FMO3: variants seen among roughly 807,000 people sequenced by gnomAD.
FMO3 encodes the protein flavin-containing monooxygenase 3.
Under a neutral mutation model 39.4 loss-of-function variants are expected in FMO3, and 40 were observed. That is an observed-to-expected ratio of 1.02 (90% CI 0.79 to 1.32). The LOEUF is 1.32. Ranked by LOEUF, FMO3 falls within the 40% of genes most tolerant of loss-of-function variation. The probability of loss-of-function intolerance (pLI) is 0.00; values close to 1 mark genes in which losing one functional copy is unlikely to be tolerated. For missense variants in FMO3, 680 were observed against 651.8 expected, an observed-to-expected ratio of 1.04 and a Z score of -0.47; for synonymous variants, 219 against 228.8, an observed-to-expected ratio of 0.96 and a Z score of 0.39.
At chr1:171,093,710 G>A (rs1267744531) in intron 2 of FMO3, among the ~76,000 whole-genome samples, 1 of 151,766 alleles carries the variant, frequency 6.6e-6, no homozygotes. Flanking sequence ...TCTACTAGGG[G>A]CATTGTTGGG....
intron 7 of FMO3, 150 bp downstream of exon 7, chr1:171,114,512 C>T (rs897428950): frequency 2.2e-5 from 15 of 680,218 alleles, no homozygotes; most frequent in Non-Finnish European, 3.9e-5. Flanking sequence ...ATTTTGTTAG[C>T]AATTTAAAGT....
At chr1:171,098,319 A>C (rs977942312) in intron 2 of FMO3, among the ~76,000 whole-genome samples, 4 of 152,056 alleles carry the variant, frequency 2.6e-5, no homozygotes, top group Non-Finnish European at 4.4e-5. Flanking sequence ...TTTTTCAATT[A>C]TGTGAAGAAA....
In FMO3 at chr1:171,117,494, G is replaced by A. The variant is rs777464034; in HGVS notation, c.*52G>A. The A allele has an allele frequency of 6.7e-5, 98 of 1,471,180 alleles. No individual in the cohort carries two copies. Among genetic ancestry groups the A allele is most frequent in the Non-Finnish European group, 8.1e-5 (86 of 1,066,294 alleles). 91.1% of individuals were successfully genotyped at this position (1,471,180 alleles called of 1,614,324 possible). ...AGTTACTGACAATACCCAGACAGGG[G>A]CTTTGCTATTTAAAAATTAAAATTT... On this transcript the variant is annotated 3_prime_UTR_variant, in exon 9 of 9. Transcript: ENST00000367755.
At position 171,111,051 on chromosome 1, in the gene FMO3, AC is replaced by A. The variant is rs1394357013; in HGVS notation, c.827+57del. 1.9e-5 allele frequency: 27 copies of A among 1,403,918 alleles called. No individual in the cohort carries two copies. The African/African-American group carries it at 3.0e-4, about 15-fold the overall frequency. The allele number at this position is 1,403,918 out of a possible 1,614,324, so 87.0% of individuals were successfully genotyped here. On this transcript the variant is annotated intron_variant, in intron 6 of 8. Coordinates refer to ENST00000367755, the MANE Select transcript of FMO3 (RefSeq NM_001002294.3). The stretch of plus-strand genomic sequence containing the variant: ...GCTGGCTTTTAGTTCAGTGTCAACA[AC>A]CCTTAATGTCCTGTAAGCCCAAAAC...
At chr1:171,095,612 CA>C (rs1334281439) in intron 2 of FMO3, among the ~76,000 whole-genome samples, 2 of 150,468 alleles carry the variant, frequency 1.3e-5, no homozygotes, top group Non-Finnish European at 1.5e-5. Flanking sequence ...GTGTCTGTAA[CA>C]GCTGTTTAAA....
At chr1:171,111,108 T>C in intron 6 of FMO3, 111 bp downstream of exon 6, 1 of 841,688 alleles carries the variant, frequency 1.2e-6, no homozygotes, top group Admixed American at 1.9e-5. Context: ...ACAACTCATA[T>C]ATCAGAAGAT....
Position 171,114,341 on chromosome 1 carries a change from TG to T in FMO3, c.1165del (p.Ala389GlnfsTer4). On this transcript the variant is annotated frameshift_variant, in exon 7 of 9. Coordinates refer to ENST00000367755, the MANE Select transcript of FMO3 (RefSeq NM_001002294.3). LOFTEE classifies it high-confidence loss of function. ...TCCCACAGTTGACCTCCAGTCCCGCTGGGCAGCACAAGTAATAAAGGGTAAG... is the reference window on the plus strand; with the variant it reads ...TCCCACAGTTGACCTCCAGTCCCGCTGGCAGCACAAGTAATAAAGGGTAAG... ...AIPTVDLQSR[W>X]AAQVIKGTCT... 6.2e-7 allele frequency: 1 copy of T among 1,613,444 alleles called. No homozygotes were observed. The highest frequency in any genetic ancestry group is 8.5e-7 in the Non-Finnish European group (1 of 1,179,614).
At chr1:171,098,459 A>G (rs1655207118) in intron 2 of FMO3, among the ~76,000 whole-genome samples, 1 of 151,970 alleles carries the variant, frequency 6.6e-6, no homozygotes, top group Non-Finnish European at 1.5e-5. Context: ...GTCCTCTTTC[A>G]TTTTGTTGAG....
intron 2 of FMO3, among the ~76,000 whole-genome samples, chr1:171,096,025 A>ATATATAAATATATAATATATATTT (rs1491256935): frequency 1.5e-3 from 70 of 45,964 alleles, no homozygotes; most frequent in African/African-American, 6.6e-3. Context: ...ATTATATATT[A>ATATATAAATATATAATATATATTT]ATATATAATA....
At chr1:171,098,885 G>A (rs1471158573) in intron 2 of FMO3, among the ~76,000 whole-genome samples, 1 of 152,162 alleles carries the variant, frequency 6.6e-6, no homozygotes, top group South Asian at 2.1e-4. Flanking sequence ...CAGAGGGAAT[G>A]CCTCCAGTTT....
chr1:171,105,984 T>C (rs1655617775), intron 3 of FMO3, among the ~76,000 whole-genome samples: 1 of 150,580 alleles, frequency 6.6e-6, no homozygotes, highest in Non-Finnish European at 1.5e-5. Context: ...AGATGTGCTA[T>C]AAGTATAAAA....
chr1:171,096,063 A>AT (rs373228386), intron 2 of FMO3, among the ~76,000 whole-genome samples: 7,180 of 55,044 alleles, frequency 0.13, 585 homozygotes, highest in African/African-American at 0.27. Flanking sequence ...TATAATATAT[A>AT]TTATATATTA....
intron 6 of FMO3, among the ~76,000 whole-genome samples, chr1:171,112,767 C>T (rs1348455249): frequency 6.6e-6 from 1 of 151,972 alleles, no homozygotes; most frequent in East Asian, 1.9e-4. Context: ...GAAAATTTTT[C>T]CTGAAGAAAT....
chr1:171,092,245 G>A (rs1255875465), intron 1 of FMO3, among the ~76,000 whole-genome samples: 4 of 152,052 alleles, frequency 2.6e-5, no homozygotes, highest in African/African-American at 9.7e-5. Context: ...CTAGAGACAA[G>A]GTCTTACTCT....
chr1:171,091,250 A>G (rs1024920611), intron 1 of FMO3, among the ~76,000 whole-genome samples: 48 of 151,998 alleles, frequency 3.2e-4, no homozygotes, highest in Admixed American at 2.4e-3. Flanking sequence ...GAAAAAGAAT[A>G]AAAGGTGATA....
At chr1:171,099,766 T>C (rs1300516397) in intron 2 of FMO3, 1 of 148,892 alleles carries the variant, frequency 6.7e-6, no homozygotes, top group Non-Finnish European at 1.5e-5. Flanking sequence ...TTTCTTTTTT[T>C]TTTTTTTTTT....
intron 7 of FMO3, 139 bp downstream of exon 7, chr1:171,114,501 T>C: frequency 1.4e-6 from 1 of 695,682 alleles, no homozygotes. Context: ...TTTAGTGCTA[T>C]ATTTTGTTAG....
At chr1:171,091,655 C>T (rs1323969906) in intron 1 of FMO3, among the ~76,000 whole-genome samples, 1 of 151,968 alleles carries the variant, frequency 6.6e-6, no homozygotes, top group Non-Finnish European at 1.5e-5. Flanking sequence ...GTGCTGTAAC[C>T]ATAGCTCACT....
At chr1:171,115,043 C>A (rs567186550) in intron 7 of FMO3, among the ~76,000 whole-genome samples, 3 of 152,232 alleles carry the variant, frequency 2.0e-5, no homozygotes, top group East Asian at 3.9e-4. Flanking sequence ...CAGCAGCAGG[C>A]TGGAATACAG....
Sources: gnomAD v4.1 joint callset for allele counts (sites outside exome capture counted in the v4.1 genomes callset) on GRCh38, gnomAD v4.1.1 for gene constraint, MANE v1.5 for transcripts, NCBI Gene and HGNC (gene_info 2026-07-23, HGNC 2026-07-21) for gene names.